Variants in ZNF366 observed in about 807,000 individuals in gnomAD.
ZNF366 encodes zinc finger protein 366.
ZNF366 carries 20 observed loss-of-function variants against 47.2 expected under a neutral mutation model. The observed-to-expected ratio is 0.42, with a 90% CI of 0.30 to 0.62. ZNF366 has a LOEUF of 0.62. Among genes scored for constraint, ZNF366 ranks in the 20% least tolerant of loss-of-function variants. The pLI is 0.16. For missense variants in ZNF366, 987 were observed against 976.3 expected, an observed-to-expected ratio of 1.01 and a Z score of -0.15; for synonymous variants, 421 against 395.1, an observed-to-expected ratio of 1.07 and a Z score of -0.78.
At chr5:72,444,713 G>T (rs1051507799) in intron 4 of ZNF366, among the ~76,000 whole-genome samples, 1 of 152,072 alleles carries the variant, frequency 6.6e-6, no homozygotes, top group African/African-American at 2.4e-5. Context: ...ATGCATAGGG[G>T]ATGTAGAGAC....
chr5:72,480,124 A>G (rs1743762983), intron 1 of ZNF366, among the ~76,000 whole-genome samples: 1 of 152,242 alleles, frequency 6.6e-6, no homozygotes, highest in African/African-American at 2.4e-5. Flanking sequence ...CTTCATGAAT[A>G]GAGACTAAAA....
chr5:72,470,476 C>G (rs147593613), intron 1 of ZNF366, among the ~76,000 whole-genome samples: 1 of 152,320 alleles, frequency 6.6e-6, no homozygotes, highest in East Asian at 1.9e-4. Context: ...CCTCACTTCT[C>G]TGAAGCCTAT....
intron 1 of ZNF366, among the ~76,000 whole-genome samples, chr5:72,470,907 T>C (rs960246816): frequency 6.6e-5 from 10 of 152,210 alleles, no homozygotes; most frequent in Admixed American, 5.9e-4. Flanking sequence ...ATGAGTGGCA[T>C]GTTCCTTTGA....
intron 1 of ZNF366, among the ~76,000 whole-genome samples, chr5:72,482,052 G>C (rs570396500): frequency 3.3e-5 from 5 of 152,172 alleles, no homozygotes; most frequent in Non-Finnish European, 5.9e-5. Flanking sequence ...ACTCTATCCT[G>C]GTCCGTGTAA....
At chr5:72,465,665 C>T (rs1743415902) in intron 1 of ZNF366, among the ~76,000 whole-genome samples, 2 of 152,138 alleles carry the variant, frequency 1.3e-5, no homozygotes, top group Admixed American at 1.3e-4. Flanking sequence ...GTCATTGATC[C>T]ATGGCTGCCT....
At chr5:72,485,527 T>C (rs1181782646) in intron 1 of ZNF366, among the ~76,000 whole-genome samples, 2 of 152,172 alleles carry the variant, frequency 1.3e-5, no homozygotes, top group Non-Finnish European at 1.5e-5. Context: ...TTCTCACCAC[T>C]TCCACTGCCT....
chr5:72,499,173 G>A (rs1272489720), intron 1 of ZNF366, among the ~76,000 whole-genome samples: 2 of 152,224 alleles, frequency 1.3e-5, no homozygotes, highest in East Asian at 3.8e-4. Context: ...GGCCCAGGCT[G>A]CCACCAGAAG....
chr5:72,500,844 C>G (rs1744199655), intron 1 of ZNF366, among the ~76,000 whole-genome samples: 2 of 152,198 alleles, frequency 1.3e-5, no homozygotes, highest in Non-Finnish European at 2.9e-5. Context: ...ATTTATTCTG[C>G]ATTTCTAACA....
chr5:72,502,646 A>G (rs746725095), intron 1 of ZNF366, among the ~76,000 whole-genome samples: 2 of 152,292 alleles, frequency 1.3e-5, no homozygotes, highest in Non-Finnish European at 2.9e-5. Context: ...AGGGACAAGG[A>G]TCTAACTTGT....
chr5:72,491,487 G>T (rs1744007524), intron 1 of ZNF366, among the ~76,000 whole-genome samples: 1 of 152,180 alleles, frequency 6.6e-6, no homozygotes, highest in Non-Finnish European at 1.5e-5. Flanking sequence ...AGAAGCTTGG[G>T]AGTCAGGCAC....
chr5:72,443,872 T>C lies in ZNF366; in HGVS notation c.2119A>G (p.Ser707Gly). Residue 707 changes from serine to glycine, a missense_variant, in exon 5 of 5, where the codon AGT (serine) becomes GGT (glycine). By Grantham distance (56) the Ser-to-Gly change is moderately conservative. Coordinates refer to ENST00000318442, the MANE Select transcript of ZNF366 (RefSeq NM_152625.3). ...DECLSLRAFQSTRRGPSFSDY... is the reference protein window; with the variant it reads ...DECLSLRAFQGTRRGPSFSDY... ...GAAAAAGAGGGGCCCCGCCGGGTAC[T>C]CTGAAAAGCCCTGAGACTGAGACAC... The C allele has an allele frequency of 6.2e-7, 1 of 1,614,198 alleles. No individual in the cohort carries two copies. Among genetic ancestry groups the C allele is most frequent in the Middle Eastern group, 1.6e-4 (1 of 6,062 alleles).
intron 1 of ZNF366, among the ~76,000 whole-genome samples, chr5:72,461,731 G>A (rs1743318040): frequency 6.6e-6 from 1 of 152,078 alleles, no homozygotes; most frequent in South Asian, 2.1e-4. Flanking sequence ...GTGACCCTAG[G>A]GCTGAATCAA....
intron 3 of ZNF366, 127 bp from the exon 4 acceptor site, chr5:72,447,544 T>G: frequency 8.7e-7 from 1 of 1,147,238 alleles, no homozygotes; most frequent in Non-Finnish European, 1.2e-6. Context: ...GCAAGGAAAA[T>G]GTCCATAAGG....
At position 72,445,409 on chromosome 5, in the gene ZNF366, C is replaced by A. The variant is rs189687787; in HGVS notation, c.1700-1118G>T. ...AGGGGCGATGATGTCCAATTTTGTT[C>A]ACTTTTTGATGCTGTCAGGCAATGA... On this transcript the variant is annotated intron_variant, in intron 4 of 4. Coordinates refer to ENST00000318442, the MANE Select transcript of ZNF366 (RefSeq NM_152625.3). Among the ~76,000 whole-genome samples the A allele has an allele frequency of 3.0e-3, 463 of 152,152 alleles. 1 individual carries two copies. Among genetic ancestry groups the A allele is most frequent in the African/African-American group, 0.011 (441 of 41,468 alleles).
intron 3 of ZNF366, among the ~76,000 whole-genome samples, chr5:72,450,594 A>G (rs560019898): frequency 1.1e-4 from 17 of 152,308 alleles, no homozygotes; most frequent in African/African-American, 3.6e-4. Flanking sequence ...CACAAAACCT[A>G]TTAGTTTTCA....
chr5:72,477,045 T>G (rs1442334891), intron 1 of ZNF366, among the ~76,000 whole-genome samples: 1 of 152,090 alleles, frequency 6.6e-6, no homozygotes, highest in Non-Finnish European at 1.5e-5. Context: ...GGAGACAAAG[T>G]GGAACTGCTG....
Position 72,447,273 on chromosome 5 carries a change from C to T in ZNF366, c.1669G>A (p.Gly557Arg). The part of the protein sequence containing the change: ...NLTRHMKVKH[G>R]VMERGLHSQG... ...GAATGAAGGCCCCGCTCCATGACTC[C>T]ATGCTTGACTTTCATGTGGCGTGTC... The change falls in exon 4 of 5, where the codon GGA becomes AGA. Residue 557 changes from glycine (G) to arginine (R), a missense_variant. Gly to Arg is a moderately radical substitution (Grantham distance 125). Transcript: ENST00000318442. 6.2e-7 allele frequency: 1 copy of T among 1,614,186 alleles called. No homozygotes were observed. Among genetic ancestry groups the T allele is most frequent in the East Asian group, 2.2e-5 (1 of 44,890 alleles).
At chr5:72,449,311 C>T (rs923449564) in intron 3 of ZNF366, among the ~76,000 whole-genome samples, 1 of 150,968 alleles carries the variant, frequency 6.6e-6, no homozygotes, top group Non-Finnish European at 1.5e-5. Flanking sequence ...AGTGGTGCCA[C>T]CTTGGCTCAC....
chr5:72,481,822 A>C (rs1743794580), intron 1 of ZNF366, among the ~76,000 whole-genome samples: 1 of 152,144 alleles, frequency 6.6e-6, no homozygotes, highest in Non-Finnish European at 1.5e-5. Context: ...AATTCTTTCA[A>C]AATTTTCATA....
Sources: allele counts gnomAD v4.1 joint callset (sites outside exome capture counted in the v4.1 genomes callset), GRCh38; gene constraint gnomAD v4.1.1; transcripts MANE v1.5; gene names NCBI Gene and HGNC (gene_info 2026-07-23, HGNC 2026-07-21).